The following SCAF8 variants were observed in gnomAD, a reference collection of about 807,000 sequenced individuals.
SCAF8 encodes SR-related and CTD-associated factor 8.
In SCAF8, 23 loss-of-function variants were observed where a neutral mutation model predicts 140.5. The observed-to-expected ratio is 0.16, with a 90% CI of 0.12 to 0.23. The LOEUF (loss-of-function observed/expected upper bound fraction) is 0.23, where lower values mean the gene tolerates loss of function less well. Among genes scored for constraint, SCAF8 ranks in the 10% least tolerant of loss-of-function variants. SCAF8 has a pLI of 1.00. For missense variants in SCAF8, 1,397 were observed against 1,555.7 expected (o/e 0.90, Z 1.72); for synonymous variants, 575 against 528.9 (o/e 1.09, Z -1.20).
At chr6:154,734,075 T>C (rs1286027506) in intron 1 of SCAF8, 145 bp downstream of exon 1, 2 of 1,272,464 alleles carry the variant, frequency 1.6e-6, no homozygotes, top group Non-Finnish European at 2.0e-6. Context: ...GGGGGAGGGG[T>C]GTTTCTCCTC....
intron 12 of SCAF8, among the ~76,000 whole-genome samples, chr6:154,814,844 C>CT (rs1308345805): frequency 6.6e-6 from 1 of 152,144 alleles, no homozygotes; most frequent in Non-Finnish European, 1.5e-5. Flanking sequence ...AGTTAAGTAT[C>CT]TTTAAGTCTT....
At position 154,771,759 on chromosome 6, in the gene SCAF8, A is replaced by C. The variant is rs137972688; in HGVS notation, c.31-2230A>C. ...AGAAGAGGGAGGGAGGAAGGGGTTG[A>C]AAAACTGTTGGGCACTAAGCTCAGT... On this transcript the variant is annotated intron_variant, in intron 1 of 19. Coordinates refer to ENST00000367178, the MANE Select transcript of SCAF8 (RefSeq NM_014892.5). 5.8e-3 allele frequency among the ~76,000 whole-genome samples: 884 copies of C among 152,256 alleles called. 7 individuals are homozygous for C. The highest frequency in any genetic ancestry group is 8.5e-3 in the Non-Finnish European group (576 of 68,010).
chr6:154,811,630 T>A (rs1778092970), intron 12 of SCAF8, among the ~76,000 whole-genome samples: 1 of 152,172 alleles, frequency 6.6e-6, no homozygotes. Flanking sequence ...GTTGGTTTGC[T>A]GCACACATCA....
chr6:154,790,956 C>T (rs1046129980), intron 4 of SCAF8, among the ~76,000 whole-genome samples: 1 of 151,938 alleles, frequency 6.6e-6, no homozygotes, highest in Non-Finnish European at 1.5e-5. Flanking sequence ...GGTGATAGTA[C>T]CAAGAAAATA....
At chr6:154,796,111 A>G (rs1205644421) in intron 6 of SCAF8, among the ~76,000 whole-genome samples, 4 of 152,300 alleles carry the variant, frequency 2.6e-5, no homozygotes, top group African/African-American at 7.2e-5. Context: ...GGAAGAGATC[A>G]TAATAGAAAT....
intron 3 of SCAF8, 141 bp from the exon 4 acceptor site, chr6:154,787,720 T>C (rs2114869729): frequency 3.2e-6 from 2 of 627,332 alleles, no homozygotes; most frequent in Non-Finnish European, 5.4e-6. Context: ...ACTGATGATA[T>C]TGGAGTAGTC....
At position 154,832,163 on chromosome 6, in the gene SCAF8, G is replaced by A. The variant is rs745576394; in HGVS notation, c.2584G>A (p.Val862Met). ...SGILGIQPPS[V>M]SNSSGLLGVL... ...AATATTGGGAATACAGCCACCCAGT[G>A]TGTCAAATAGTTCTGGACTTTTGGG... Residue 862 changes from valine (V) to methionine (M), a missense_variant, in exon 20 of 20, where the codon GTG becomes ATG. By Grantham distance (21) the Val-to-Met change is conservative (BLOSUM62 1). This residue lies in a region of SCAF8 where 930 missense variants were observed against 874.6 expected (regional missense o/e 1.06). Transcript: ENST00000367178. 3.6e-5 allele frequency: 58 copies of A among 1,613,978 alleles called. No individual in the cohort carries two copies. The highest frequency in any genetic ancestry group is 4.7e-5 in the Non-Finnish European group (56 of 1,180,022).
At chr6:154,735,834 A>G (rs566452860) in intron 1 of SCAF8, among the ~76,000 whole-genome samples, 3 of 149,204 alleles carry the variant, frequency 2.0e-5, no homozygotes, top group East Asian at 4.0e-4. Context: ...TTTCATAGCT[A>G]TCTTTCTTTT....
chr6:154,769,101 A>G (rs1289878417), intron 1 of SCAF8, among the ~76,000 whole-genome samples: 1 of 150,832 alleles, frequency 6.6e-6, no homozygotes, highest in Admixed American at 6.6e-5. Flanking sequence ...ATATAAGTAG[A>G]CCTGCGCAGT....
At chr6:154,736,941 T>TA (rs1365264619) in intron 1 of SCAF8, among the ~76,000 whole-genome samples, 1 of 152,182 alleles carries the variant, frequency 6.6e-6, no homozygotes, top group Admixed American at 6.5e-5. Flanking sequence ...GGAAGGGAAA[T>TA]ATATTTGAAG....
intron 17 of SCAF8, 63 bp downstream of exon 17, chr6:154,824,441 C>G: frequency 6.8e-6 from 10 of 1,465,362 alleles, no homozygotes; most frequent in Non-Finnish European, 8.5e-6. Context: ...TGTGTTTCTT[C>G]CAGATTTAAG....
intron 1 of SCAF8, among the ~76,000 whole-genome samples, chr6:154,759,281 A>G (rs995363306): frequency 1.3e-5 from 2 of 152,156 alleles, no homozygotes; most frequent in African/African-American, 4.8e-5. Context: ...CTCTATTCCA[A>G]GGGTTTAGAA....
intron 1 of SCAF8, among the ~76,000 whole-genome samples, chr6:154,751,156 A>G (rs138606662): frequency 8.5e-5 from 13 of 152,312 alleles, no homozygotes; most frequent in African/African-American, 3.1e-4. Context: ...TTGTAGCTAT[A>G]GGAAGAGCTA....
intron 1 of SCAF8, among the ~76,000 whole-genome samples, chr6:154,757,909 CTTTTTTT>C (rs750337401): frequency 7.5e-6 from 1 of 132,654 alleles, no homozygotes; most frequent in East Asian, 2.1e-4. Flanking sequence ...GTAAGTTTCA[CTTTTTTT>C]TTTTTTTTTT....
At chr6:154,741,992 T>C (rs768911877) in intron 1 of SCAF8, 8 of 1,533,880 alleles carry the variant, frequency 5.2e-6, no homozygotes, top group Non-Finnish European at 7.0e-6. Context: ...AGACTGCTTT[T>C]CCAGCAGCAT....
At chr6:154,735,600 ACCTC>A (rs571628903) in intron 1 of SCAF8, among the ~76,000 whole-genome samples, 128 of 142,550 alleles carry the variant, frequency 9.0e-4, no homozygotes, top group Non-Finnish European at 1.5e-3. Flanking sequence ...TGTAGCCTCC[ACCTC>A]CCGGTTTCAA....
chr6:154,771,055 T>C (rs557081193), intron 1 of SCAF8, among the ~76,000 whole-genome samples: 1 of 152,306 alleles, frequency 6.6e-6, no homozygotes, highest in Non-Finnish European at 1.5e-5. Flanking sequence ...TTGGTTAAAC[T>C]CTTACTAAGT....
chr6:154,734,189 C>T (rs4385322), intron 1 of SCAF8, among the ~76,000 whole-genome samples: 91,270 of 151,692 alleles, frequency 0.6, 30,069 homozygotes, highest in East Asian at 0.91. Context: ...GCTGCGAGCT[C>T]GGAGGGAAAG....
At position 154,822,346 on chromosome 6, in the gene SCAF8, T is replaced by C; in HGVS notation, c.1863T>C (p.Val621=). Residue 621 remains valine, a synonymous_variant, in exon 16 of 20, where the codon GTT becomes GTC. Coordinates refer to ENST00000367178, the MANE Select transcript of SCAF8 (RefSeq NM_014892.5). ...TVQTTQSPTP[V]EKETVVTTQA... ...AGACAACTCAGAGCCCAACTCCAGT[T>C]GAAAAGGAGACAGTGGTCACAACCC... The C allele has an allele frequency of 6.2e-7, 1 of 1,613,764 alleles. No homozygotes were observed. The highest frequency in any genetic ancestry group is 8.5e-7 in the Non-Finnish European group (1 of 1,179,782).
Sources: gnomAD v4.1 joint callset for allele counts (sites outside exome capture counted in the v4.1 genomes callset) on GRCh38, gnomAD v4.1.1 for gene constraint, gnomAD v4.1.1 regional missense constraint, MANE v1.5 for transcripts, NCBI Gene and HGNC (gene_info 2026-07-23, HGNC 2026-07-21) for gene names.